ZNF589: variants seen among roughly 807,000 people sequenced by gnomAD.
ZNF589 encodes the protein KRAB-zinc finger protein SZF1-1.
ZNF589 carries 17 observed loss-of-function variants against 13.6 expected under a neutral mutation model. The ratio of observed to expected loss-of-function variants is 1.25; its 90% CI spans 0.86 to 1.88. The LOEUF (loss-of-function observed/expected upper bound fraction) is 1.88. ZNF589 is among the 40% of genes most tolerant of loss of function. The pLI is 0.00. For synonymous variants in ZNF589, 148 were observed against 161.6 expected, an observed-to-expected ratio of 0.92 and a Z score of 0.64; for missense variants, 407 against 434.0, an observed-to-expected ratio of 0.94 and a Z score of 0.55.
chr3:48,249,815 C>T (rs889772414), intron 2 of ZNF589, among the ~76,000 whole-genome samples: 1 of 152,162 alleles, frequency 6.6e-6, no homozygotes, highest in African/African-American at 2.4e-5. Context: ...CCAAAAGCCT[C>T]TTTTCTAGCT....
At chr3:48,265,243 A>T (rs1245809794) in intron 3 of ZNF589, among the ~76,000 whole-genome samples, 3 of 119,424 alleles carry the variant, frequency 2.5e-5, no homozygotes, top group Admixed American at 1.9e-4. Context: ...AAGTGCTGGG[A>T]TTACAGGCAT....
In ZNF589 at chr3:48,242,108, G is replaced by A. The variant is rs530985603; in HGVS notation, c.43+894G>A. On this transcript the variant is annotated intron_variant, in intron 1 of 3. Transcript: ENST00000354698. ...ATTACAGGTGTTAGCCACCCCACCC[G>A]GCCCAAAAGACTTTTTTTTTGGAGA... Among the ~76,000 whole-genome samples the A allele has an allele frequency of 4.2e-4, 63 of 151,616 alleles. 2 individuals carry two copies. In the South Asian group the frequency reaches 0.013, roughly 31 times the overall value.
At chr3:48,255,747 C>G (rs183665439) in intron 2 of ZNF589, among the ~76,000 whole-genome samples, 10 of 151,692 alleles carry the variant, frequency 6.6e-5, no homozygotes, top group Non-Finnish European at 8.8e-5. Flanking sequence ...CCTTAGCCCC[C>G]CAAAGTGCTG....
At chr3:48,243,703 C>G (rs1333856429) in intron 1 of ZNF589, among the ~76,000 whole-genome samples, 1 of 151,118 alleles carries the variant, frequency 6.6e-6, no homozygotes, top group Non-Finnish European at 1.5e-5. Flanking sequence ...CCCAGCTACT[C>G]AGAAGGCTGA....
At chr3:48,259,101 C>A (rs1301041679) in intron 2 of ZNF589, among the ~76,000 whole-genome samples, 1 of 152,172 alleles carries the variant, frequency 6.6e-6, no homozygotes, top group Non-Finnish European at 1.5e-5. Flanking sequence ...GGACAGCAGC[C>A]CACACCACTG....
chr3:48,269,222 A>G lies in ZNF589; in HGVS notation c.*436A>G, dbSNP rs998068216. ...CACGGAGTGTGGGCAAGGCTTTATC[A>G]CGAAATCACAGCTCATCAGACACCA... On this transcript the variant is annotated 3_prime_UTR_variant, in exon 4 of 4. Coordinates refer to ENST00000354698, the MANE Select transcript of ZNF589 (RefSeq NM_016089.3). 4 of 1,453,754 alleles carry G rather than the reference A, an allele frequency of 2.8e-6. No individual in the cohort carries two copies. In the African/African-American group the frequency reaches 4.3e-5, roughly 15 times the overall value. The allele number at this position is 1,453,754 out of a possible 1,614,324, so 90.1% of individuals were successfully genotyped here.
chr3:48,250,476 C>CTT (rs879675737), intron 2 of ZNF589, among the ~76,000 whole-genome samples: 1 of 144,532 alleles, frequency 6.9e-6, no homozygotes. Context: ...TTGAGAACAA[C>CTT]TTTTTTTTTT....
intron 2 of ZNF589, among the ~76,000 whole-genome samples, chr3:48,260,076 T>C (rs1433872568): frequency 6.6e-6 from 1 of 152,276 alleles, no homozygotes; most frequent in Non-Finnish European, 1.5e-5. Flanking sequence ...CAAGTGTAAC[T>C]AAAGATAGAA....
chr3:48,255,968 C>G (rs532600607), intron 2 of ZNF589, among the ~76,000 whole-genome samples: 1 of 151,900 alleles, frequency 6.6e-6, no homozygotes, highest in Admixed American at 6.6e-5. Flanking sequence ...ATGATATGAT[C>G]ATATGATTTT....
chr3:48,261,352 C>G (rs2033968407), intron 3 of ZNF589, among the ~76,000 whole-genome samples: 1 of 152,086 alleles, frequency 6.6e-6, no homozygotes, highest in Non-Finnish European at 1.5e-5. Context: ...AGGTGGGAAA[C>G]TGCTCCAGAC....
Position 48,270,082 on chromosome 3 carries a change from C to T in ZNF589, c.*1296C>T. On this transcript the variant is annotated 3_prime_UTR_variant, in exon 4 of 4. Transcript: ENST00000354698. ...AATGGTCTTTGCATCTGACTACTTC[C>T]TTCTGCAACTGTGTTCTTCCATTAG... is the stretch of plus-strand genomic sequence containing the variant. 2.2e-6 allele frequency: 1 copy of T among 457,200 alleles called. No homozygotes were observed. Among genetic ancestry groups the T allele is most frequent in the South Asian group, 1.5e-5 (1 of 64,574 alleles). The allele number at this position is 457,200 out of a possible 1,614,324, so 28.3% of individuals were successfully genotyped here.
At chr3:48,256,947 A>G in intron 2 of ZNF589, 1 of 643,384 alleles carries the variant, frequency 1.6e-6, no homozygotes, top group Non-Finnish European at 2.9e-6. Flanking sequence ...ATCTTGAAAA[A>G]CCAACCCTGA....
In ZNF589 at chr3:48,260,942, A is replaced by G. The variant is rs1447808495; in HGVS notation, c.223+3A>G. On this transcript the variant is annotated splice_donor_region_variant and intron_variant, in intron 3 of 3. Coordinates refer to ENST00000354698, the MANE Select transcript of ZNF589 (RefSeq NM_016089.3). ...TCTCAGGAATCTGGTCTCATTGGGT[A>G]AGGACATGTTCTCTTCCTTCATTTT... 7.4e-6 allele frequency: 12 copies of G among 1,614,114 alleles called. No individual in the cohort carries two copies. Among genetic ancestry groups the G allele is most frequent in the Admixed American group, 1.7e-5 (1 of 59,992 alleles).
At chr3:48,243,582 C>T (rs2033721177) in intron 1 of ZNF589, among the ~76,000 whole-genome samples, 1 of 151,710 alleles carries the variant, frequency 6.6e-6, no homozygotes, top group Non-Finnish European at 1.5e-5. Context: ...GAGGCTGAGG[C>T]GGGTAGATCA....
intron 1 of ZNF589, among the ~76,000 whole-genome samples, chr3:48,242,874 G>A (rs1053350178): frequency 1.3e-5 from 2 of 151,248 alleles, no homozygotes; most frequent in Non-Finnish European, 2.9e-5. Flanking sequence ...AGACCAGCCT[G>A]GTCAACATGG....
intron 1 of ZNF589, among the ~76,000 whole-genome samples, chr3:48,243,860 A>G (rs963091633): frequency 6.6e-6 from 1 of 151,680 alleles, no homozygotes; most frequent in Middle Eastern, 3.2e-3. Context: ...CCCTCTTGTC[A>G]TGAGTGGCAA....
intron 2 of ZNF589, among the ~76,000 whole-genome samples, chr3:48,250,427 C>T (rs2033825378): frequency 6.7e-6 from 1 of 149,656 alleles, no homozygotes; most frequent in South Asian, 2.1e-4. Flanking sequence ...GCTGGGATTA[C>T]ATGTGTGATC....
chr3:48,265,610 A>G (rs2034011919), intron 3 of ZNF589, among the ~76,000 whole-genome samples: 1 of 152,098 alleles, frequency 6.6e-6, no homozygotes, highest in East Asian at 1.9e-4. Context: ...CCAAATGTGT[A>G]GACCCATGGA....
At chr3:48,262,157 C>G (rs2106845399) in intron 3 of ZNF589, among the ~76,000 whole-genome samples, 1 of 152,262 alleles carries the variant, frequency 6.6e-6, no homozygotes, top group Middle Eastern at 3.4e-3. Context: ...TCCTTTATAT[C>G]ACAGTGCAAC....
Sources: gnomAD v4.1 joint callset for allele counts (sites outside exome capture counted in the v4.1 genomes callset) on GRCh38, gnomAD v4.1.1 for gene constraint, MANE v1.5 for transcripts, NCBI Gene and HGNC (gene_info 2026-07-23, HGNC 2026-07-21) for gene names.